Variants in AK9 observed in about 807,000 individuals in gnomAD.
AK9 encodes adenylate kinase domain containing 1.
A neutral mutation model predicts 239.6 loss-of-function variants in AK9; 191 were observed. The ratio of observed to expected loss-of-function variants is 0.80; its 90% CI spans 0.71 to 0.90. The LOEUF (loss-of-function observed/expected upper bound fraction) is 0.90. Ranked by LOEUF, AK9 falls within the 40% of genes least tolerant of loss-of-function variation. The pLI is 0.00. For synonymous variants in AK9, 689 were observed against 721.0 expected, an observed-to-expected ratio of 0.96 and a Z score of 0.71; for missense variants, 1,995 against 2,214.7, an observed-to-expected ratio of 0.90 and a Z score of 1.99.
intron 19 of AK9, among the ~76,000 whole-genome samples, chr6:109,583,170 T>C (rs1161551109): frequency 6.6e-6 from 1 of 152,162 alleles, no homozygotes; most frequent in Admixed American, 6.6e-5. Flanking sequence ...GCTATGCCTG[T>C]ACCTCAGATG....
intron 17 of AK9, among the ~76,000 whole-genome samples, chr6:109,597,734 G>T (rs551266738): frequency 6.6e-6 from 1 of 151,836 alleles, no homozygotes; most frequent in African/African-American, 2.4e-5. Flanking sequence ...TAATTCAACT[G>T]GGGGGCATAA....
chr6:109,578,088 C>G (rs537991124), intron 20 of AK9, among the ~76,000 whole-genome samples: 2 of 151,964 alleles, frequency 1.3e-5, no homozygotes, highest in African/African-American at 4.8e-5. Flanking sequence ...TGCACCACCA[C>G]GCCTGGCTAA....
chr6:109,656,191 C>T (rs968270628), intron 8 of AK9, among the ~76,000 whole-genome samples: 1 of 152,150 alleles, frequency 6.6e-6, no homozygotes, highest in Non-Finnish European at 1.5e-5. Context: ...GGACTTTTTA[C>T]CATATAAAAT....
At chr6:109,599,244 T>C (rs1791549629) in intron 17 of AK9, among the ~76,000 whole-genome samples, 1 of 152,154 alleles carries the variant, frequency 6.6e-6, no homozygotes, top group Non-Finnish European at 1.5e-5. Context: ...CTTGAATTAA[T>C]TTTTGTATAA....
intron 24 of AK9, among the ~76,000 whole-genome samples, chr6:109,559,807 A>G (rs1473357830): frequency 6.6e-6 from 1 of 152,196 alleles, no homozygotes; most frequent in African/African-American, 2.4e-5. Flanking sequence ...GCTTAAAACA[A>G]CAAACATGTA....
intron 12 of AK9, 25 bp from the exon 13 acceptor site, chr6:109,619,261 G>T: frequency 6.5e-7 from 1 of 1,534,606 alleles, no homozygotes; most frequent in South Asian, 1.2e-5. Context: ...TGAGAAAATC[G>T]ACATAAGCAG....
At chr6:109,595,446 T>C (rs963081208) in intron 17 of AK9, among the ~76,000 whole-genome samples, 16 of 152,188 alleles carry the variant, frequency 1.1e-4, no homozygotes, top group African/African-American at 3.6e-4. Context: ...AGTGTGGTGA[T>C]TCCTCAAGGA....
rs767247204 is a variant in AK9, at chr6:109,633,278, T to G, written c.979A>C (p.Arg327=). Residue 327 remains arginine (R), a synonymous_variant, in exon 11 of 41, where the codon AGA becomes CGA. Transcript: ENST00000424296. ...TLASYKLIAP[R]YRWQRSKWGR... is the part of the protein sequence containing the mutation. Reference sequence around the variant, plus strand: ...CATTTACTTCTTTGCCATCTGTATCTTGGTGCAATAAGTTTATAAGATGCA... The same window carrying G: ...CATTTACTTCTTTGCCATCTGTATCGTGGTGCAATAAGTTTATAAGATGCA... 6 of 1,608,808 alleles carry G rather than the reference T, an allele frequency of 3.7e-6. No homozygotes were observed. Among genetic ancestry groups the G allele is most frequent in the Middle Eastern group, 1.7e-4 (1 of 6,004 alleles).
intron 10 of AK9, among the ~76,000 whole-genome samples, chr6:109,634,903 A>C (rs1419670768): frequency 6.6e-6 from 1 of 152,230 alleles, no homozygotes; most frequent in Non-Finnish European, 1.5e-5. Context: ...AAGTATTTGA[A>C]TAGCAGACCA....
intron 29 of AK9, among the ~76,000 whole-genome samples, chr6:109,526,694 A>G (rs1379174631): frequency 1.3e-5 from 2 of 152,100 alleles, no homozygotes; most frequent in Non-Finnish European, 2.9e-5. Context: ...CTAGATCCCA[A>G]ATTTCTTTAT....
rs1554230922 is a variant in AK9 at position 109,497,362 on chromosome 6, A to ACACACT, written c.5315+102_5315+103insAGTGTG. ...CACACACACACACACACACACACAC[A>ACACACT]CTCTCTCTCTCTCTCTCTCTCTCAC... On this transcript the variant is annotated intron_variant, in intron 38 of 40. Transcript: ENST00000424296. 1.3e-3 allele frequency: 636 copies of ACACACT among 500,126 alleles called. 3 individuals are homozygous for ACACACT. In the African/African-American group the frequency reaches 0.013, roughly 11 times the overall value. The allele number at this position is 500,126 out of a possible 1,614,324, so 31.0% of individuals were successfully genotyped here. A position where few individuals can be genotyped will look rare whatever the true frequency, so the allele number is the denominator to read the frequency against.
intron 17 of AK9, among the ~76,000 whole-genome samples, chr6:109,608,314 C>T (rs1202749687): frequency 7.0e-6 from 1 of 143,694 alleles, no homozygotes; most frequent in Non-Finnish European, 1.5e-5. Flanking sequence ...GTCGTTAAGA[C>T]ATGTGGCTCT....
chr6:109,591,260 G>A (rs1790202446), intron 17 of AK9, among the ~76,000 whole-genome samples: 2 of 152,000 alleles, frequency 1.3e-5, no homozygotes, highest in African/African-American at 4.8e-5. Context: ...ATCCTTTTAT[G>A]ATAATATAAT....
chr6:109,658,552 G>A lies in AK9; in HGVS notation c.630+676C>T, dbSNP rs149321919. ...ACTTGAAATGTGGCAAGTGCAACTG[G>A]AACGTGCTGTAAATGTAAAATACAT... On this transcript the variant is annotated intron_variant, in intron 7 of 40. Transcript: ENST00000424296. Among the ~76,000 whole-genome samples the A allele has an allele frequency of 3.0e-3, 450 of 152,272 alleles. 4 individuals are homozygous for A. The highest frequency in any genetic ancestry group is 9.8e-3 in the African/African-American group (408 of 41,556).
chr6:109,656,838 AGAT>A lies in AK9; in HGVS notation c.674_676del (p.His225del). 2 of 1,612,588 alleles carry A rather than the reference AGAT, an allele frequency of 1.2e-6. No individual in the cohort carries two copies. The highest frequency in any genetic ancestry group is 1.7e-6 in the Non-Finnish European group (2 of 1,178,948). ...CAAATAATCTTCAGGCCTCTGAACT[AGAT>A]GATGAAGAATTTCAGCCACCATCTG... is the stretch of plus-strand genomic sequence containing the variant. On this transcript the variant is annotated inframe_deletion, in exon 8 of 41. Coordinates refer to ENST00000424296, the MANE Select transcript of AK9 (RefSeq NM_001145128.3).
intron 29 of AK9, chr6:109,528,780 G>A (rs1323386267): frequency 1.6e-6 from 1 of 639,990 alleles, no homozygotes; most frequent in African/African-American, 1.8e-5. Flanking sequence ...ATGGAAATCA[G>A]GTTACAAGAG....
intron 38 of AK9, among the ~76,000 whole-genome samples, chr6:109,496,813 A>G (rs567491327): frequency 5.3e-5 from 8 of 152,250 alleles, no homozygotes; most frequent in African/African-American, 1.9e-4. Flanking sequence ...TCCATGGTCT[A>G]CACTTTAGTA....
chr6:109,630,199 C>G (rs543491730), intron 12 of AK9, among the ~76,000 whole-genome samples: 5 of 152,140 alleles, frequency 3.3e-5, no homozygotes, highest in African/African-American at 1.2e-4. Flanking sequence ...CAAAACCCAT[C>G]AAATACCCAG....
chr6:109,573,462 G>A lies in AK9; in HGVS notation c.2324C>T (p.Pro775Leu), dbSNP rs1232412944. The change falls in exon 21 of 41, where the codon CCT becomes CTT. Residue 775 changes from proline (P) to leucine (L), a missense_variant. This residue lies in a region of AK9 where 1,290 missense variants were observed against 1,392.7 expected (regional missense o/e 0.93). Coordinates refer to ENST00000424296, the MANE Select transcript of AK9 (RefSeq NM_001145128.3). ...CTAACCTGCTTCAGGCTCAGTTTCA[G>A]GGACCTCAGATGCTTCAAACTCCTC... ...LPEEFEASEV[P>L]ETEPEAVSEP... 6.5e-7 allele frequency: 1 copy of A among 1,548,858 alleles called. No individual in the cohort carries two copies. Among genetic ancestry groups the A allele is most frequent in the East Asian group, 2.4e-5 (1 of 40,902 alleles).
Sources: gnomAD v4.1 joint callset for allele counts (sites outside exome capture counted in the v4.1 genomes callset) on GRCh38, gnomAD v4.1.1 for gene constraint, gnomAD v4.1.1 regional missense constraint, MANE v1.5 for transcripts, NCBI Gene and HGNC (gene_info 2026-07-23, HGNC 2026-07-21) for gene names.